SCRIB: variants seen among roughly 807,000 people sequenced by gnomAD.
The protein encoded by SCRIB is scribble planar cell polarity protein.
SCRIB carries 72 observed loss-of-function variants against 170.0 expected under a neutral mutation model. The ratio of observed to expected loss-of-function variants is 0.42; its 90% CI spans 0.35 to 0.52. The LOEUF is 0.52. Among genes scored for constraint, SCRIB ranks in the 20% least tolerant of loss-of-function variants. SCRIB has a pLI of 0.02. For synonymous variants in SCRIB, 1,298 were observed against 1,044.3 expected, an observed-to-expected ratio of 1.24 and a Z score of -4.68; for missense variants, 2,475 against 2,338.5, an observed-to-expected ratio of 1.06 and a Z score of -1.20.
At chr8:143,794,305 G>A (rs1814840264) in intron 27 of SCRIB, 1 of 324,822 alleles carries the variant, frequency 3.1e-6, no homozygotes, top group East Asian at 5.1e-5. Flanking sequence ...GCCCCTACTT[G>A]TGGTGTGCAG....
Position 143,808,635 on chromosome 8 carries a change from C to A in SCRIB, c.2089G>T (p.Ala697Ser), listed in dbSNP as rs1047581743. The A allele has an allele frequency of 6.6e-7, 1 of 1,512,826 alleles. No individual in the cohort carries two copies. Among genetic ancestry groups the A allele is most frequent in the Admixed American group, 2.3e-5 (1 of 43,756 alleles). The allele number at this position is 1,512,826 out of a possible 1,614,324, so 93.7% of individuals were successfully genotyped here. Residue 697 changes from alanine to serine, a missense_variant, in exon 15 of 37, where the codon GCC (alanine) becomes TCC (serine). By Grantham distance (99) the Ala-to-Ser change is moderately conservative. Transcript: ENST00000356994. ...ASTEEEDKEG[A>S]VVSAPSVKGV... ...TTGACAGAGGGCGCAGAAACCACGG[C>A]CCCCTCCTTGTCCTCCTCCTCAGTG...
intron 27 of SCRIB, 128 bp from the exon 28 acceptor site, chr8:143,794,090 C>T (rs1814831939): frequency 1.3e-6 from 1 of 798,770 alleles, no homozygotes; most frequent in Admixed American, 2.4e-5. Flanking sequence ...TGACTATAGC[C>T]CAGGGGATGC....
intron 17 of SCRIB, among the ~76,000 whole-genome samples, 164 bp downstream of exon 17, chr8:143,806,760 G>T (rs1020549844): frequency 4.7e-4 from 72 of 152,318 alleles, no homozygotes; most frequent in African/African-American, 1.7e-3. Context: ...GCACCCTCAG[G>T]TTGCTCTTGG....
chr8:143,795,684 A>C (rs1436281121), intron 24 of SCRIB, among the ~76,000 whole-genome samples, 154 bp from the exon 25 acceptor site: 1 of 152,050 alleles, frequency 6.6e-6, no homozygotes, highest in Non-Finnish European at 1.5e-5. Context: ...GCAGCCTTGG[A>C]GGGCACTCCG....
intron 26 of SCRIB, 70 bp from the exon 27 acceptor site, chr8:143,795,182 AG>A: frequency 6.3e-7 from 1 of 1,598,052 alleles, no homozygotes; most frequent in South Asian, 1.1e-5. Flanking sequence ...ACAGGGCAGG[AG>A]AGGGGGTCCT....
chr8:143,795,412 C>T lies in SCRIB; in HGVS notation c.3714+8G>A. The T allele has an allele frequency of 1.3e-5, 21 of 1,612,798 alleles. No individual in the cohort carries two copies. The highest frequency in any genetic ancestry group is 1.7e-5 in the Non-Finnish European group (20 of 1,179,620). On this transcript the variant is annotated splice_region_variant and intron_variant, in intron 25 of 36. Transcript: ENST00000356994. ...GCCCTGGGGCTGCCGGCTGCAGGCA[C>T]CTCTGACCTTGCCTGGGCCCTCAGG...
intron 18 of SCRIB, 145 bp downstream of exon 18, chr8:143,806,262 C>A: frequency 1.5e-6 from 1 of 659,758 alleles, no homozygotes. Context: ...TTTACAGGTT[C>A]CGTGGCTTCA....
chr8:143,812,199 T>C, intron 9 of SCRIB, 67 bp downstream of exon 9: 1 of 1,035,754 alleles, frequency 9.7e-7, no homozygotes, highest in Non-Finnish European at 1.5e-6. Context: ...AGACACAGGC[T>C]GATGCCCTGT....
chr8:143,808,499 G>T, intron 15 of SCRIB, 110 bp downstream of exon 15: 1 of 1,328,890 alleles, frequency 7.5e-7, no homozygotes, highest in Non-Finnish European at 1.0e-6. Flanking sequence ...CACCTTCTCC[G>T]GGTGGCCAGG....
intron 8 of SCRIB, 56 bp from the exon 9 acceptor site, chr8:143,812,440 C>T: frequency 1.5e-6 from 2 of 1,350,588 alleles, no homozygotes; most frequent in Non-Finnish European, 2.1e-6. Context: ...ACGTGCCTTA[C>T]CCACCTGGCC....
chr8:143,795,611 G>C (rs1389374867), intron 24 of SCRIB, 81 bp from the exon 25 acceptor site: 3 of 1,213,476 alleles, frequency 2.5e-6, no homozygotes, highest in Non-Finnish European at 3.6e-6. Context: ...TCCCAGCCCA[G>C]AATAGTCAGC....
chr8:143,794,798 C>T lies in SCRIB; in HGVS notation c.3846+240G>A, dbSNP rs782737484. Among the ~76,000 whole-genome samples the T allele has an allele frequency of 1.6e-4, 25 of 152,278 alleles. 1 individual carries two copies. Among genetic ancestry groups the T allele is most frequent in the Middle Eastern group, 6.8e-3 (2 of 294 alleles). ...ACCGCCACTAGAGGGATGCCTCGGCCTGTGTCACCCATCCGCAGCTCAGGG... is the reference window on the plus strand; with the variant it reads ...ACCGCCACTAGAGGGATGCCTCGGCTTGTGTCACCCATCCGCAGCTCAGGG... On this transcript the variant is annotated intron_variant, in intron 27 of 36. Transcript: ENST00000356994.
chr8:143,811,459 T>G, intron 9 of SCRIB, 114 bp from the exon 10 acceptor site: 1 of 902,668 alleles, frequency 1.1e-6, no homozygotes. Context: ...CCAGGGTCCC[T>G]CACAGCCCCT....
At chr8:143,804,896 G>T (rs1554636027) in intron 20 of SCRIB, 38 bp downstream of exon 20, 2 of 1,506,144 alleles carry the variant, frequency 1.3e-6, no homozygotes, top group South Asian at 2.4e-5. Context: ...CGGGGCAGGG[G>T]GGATGGGTGG....
chr8:143,806,415 G>A lies in SCRIB; in HGVS notation c.2338C>T (p.Leu780Phe). The A allele has an allele frequency of 1.2e-6, 2 of 1,604,478 alleles. No individual in the cohort carries two copies. The highest frequency in any genetic ancestry group is 1.7e-6 in the Non-Finnish European group (2 of 1,175,288). Residue 780 changes from leucine (L) to phenylalanine (F), a missense_variant, in exon 18 of 37, where the codon CTC becomes TTC. By Grantham distance (22) the Leu-to-Phe change is conservative (BLOSUM62 0). This residue lies in a region of SCRIB where 1,966 missense variants were observed against 1,742.9 expected (regional missense o/e 1.13). Coordinates refer to ENST00000356994, the MANE Select transcript of SCRIB (RefSeq NM_182706.5). ...AGAGGTTGCCGACTCACCTCCAGGA[G>A]CTTGTCACCCACACGGACTCCAGCC... The part of the protein sequence containing the change: ...ARAGVRVGDK[L>F]LEVNGVALQG...
chr8:143,792,665 A>G (rs782800821), intron 30 of SCRIB, 30 bp from the exon 31 acceptor site: 7 of 1,587,406 alleles, frequency 4.4e-6, no homozygotes, highest in Non-Finnish European at 5.1e-6. Context: ...GTCAGGCCAG[A>G]CCAGCCGAGA....
In SCRIB at chr8:143,792,298, G is replaced by A. The variant is rs782761554; in HGVS notation, c.4436C>T (p.Pro1479Leu). 19 of 1,559,212 alleles carry A rather than the reference G, an allele frequency of 1.2e-5. No homozygotes were observed. The highest frequency in any genetic ancestry group is 5.8e-5 in the South Asian group (5 of 86,554). The change falls in exon 32 of 37, where the codon CCG (proline) becomes CTG (leucine). Residue 1479 changes from proline (P) to leucine (L), a missense_variant. By Grantham distance (98) the Pro-to-Leu change is moderately conservative. Transcript: ENST00000356994. ...AGGGGACAGGGCACGCTCGGGTGCC[G>A]GTGGCTCCGGACTCTGCACGCGCAG... ...ERLRVQSPEP[P>L]APERALSPAE...
intron 28 of SCRIB, 180 bp downstream of exon 28, chr8:143,793,720 A>C: frequency 1.7e-6 from 1 of 585,050 alleles, no homozygotes; most frequent in Non-Finnish European, 3.0e-6. Context: ...TCTGGCCAGG[A>C]AAGCGTCCCT....
rs1475490553 is a variant in SCRIB at position 143,810,736 on chromosome 8, C to G, written c.1354G>C (p.Glu452Gln). Residue 452 changes from glutamate (E) to glutamine (Q), a missense_variant, in exon 12 of 37, where the codon GAG becomes CAG. Coordinates refer to ENST00000356994, the MANE Select transcript of SCRIB (RefSeq NM_182706.5). ...GCGTCCTCATCACCTATGGGGGCCT[C>G]CAGGAACTGGATGACGCTGACGCGG... Reference protein sequence around the residue: ...PSRVSVIQFLEAPIGDEDAEE... With the variant: ...PSRVSVIQFLQAPIGDEDAEE... 1 of 1,609,146 alleles carries G rather than the reference C, an allele frequency of 6.2e-7. No homozygotes were observed. Among genetic ancestry groups the G allele is most frequent in the African/African-American group, 1.3e-5 (1 of 74,870 alleles).
Sources: allele counts gnomAD v4.1 joint callset (sites outside exome capture counted in the v4.1 genomes callset), GRCh38; gene constraint gnomAD v4.1.1; regional missense constraint gnomAD v4.1.1; transcripts MANE v1.5; gene names NCBI Gene and HGNC (gene_info 2026-07-23, HGNC 2026-07-21).